Variants in GSE1 observed in about 807,000 individuals in gnomAD.
The protein encoded by GSE1 is genetic suppressor element 1.
In GSE1, 32 loss-of-function variants were observed where a neutral mutation model predicts 112.6. The ratio of observed to expected loss-of-function variants is 0.28; its 90% CI spans 0.21 to 0.38. GSE1 has a LOEUF of 0.38. Ranked by LOEUF, GSE1 falls within the 10% of genes least tolerant of loss-of-function variation. The probability of loss-of-function intolerance (pLI) is 1.00; values close to 1 mark genes in which losing one functional copy is unlikely to be tolerated. For missense variants in GSE1, 2,348 were observed against 1,699.2 expected, an observed-to-expected ratio of 1.38 and a Z score of -6.71; for synonymous variants, 1,115 against 735.6, an observed-to-expected ratio of 1.52 and a Z score of -8.35.
chr16:85,630,940 T>C (rs1427606362), intron 1 of GSE1, among the ~76,000 whole-genome samples: 2 of 152,162 alleles, frequency 1.3e-5, no homozygotes, highest in African/African-American at 2.4e-5. Context: ...TCTCCTGGGC[T>C]CATTGTGAGG....
chr16:85,655,947 C>G (rs1022859496), intron 6 of GSE1, 30 bp downstream of exon 6: 2 of 1,554,000 alleles, frequency 1.3e-6, no homozygotes, highest in African/African-American at 2.7e-5. Flanking sequence ...AGGAGCCCCT[C>G]TGCCCTCCCT....
At chr16:85,611,808 G>A (rs543635180), upstream of GSE1, among the ~76,000 whole-genome samples, 313 of 152,078 alleles carry the variant, frequency 2.1e-3, no homozygotes, top group African/African-American at 7.2e-3. Flanking sequence ...CAGATGGATG[G>A]GGGGTGGCAG....
At chr16:85,352,923 C>T (rs2046879888) in intron 1 of GSE1, among the ~76,000 whole-genome samples, 1 of 152,252 alleles carries the variant, frequency 6.6e-6, no homozygotes, top group African/African-American at 2.4e-5. Context: ...CTGACACACA[C>T]AGCTCAGCAG....
At chr16:85,510,093 G>A (rs796579062) in intron 2 of GSE1, among the ~76,000 whole-genome samples, 12 of 152,286 alleles carry the variant, frequency 7.9e-5, no homozygotes, top group African/African-American at 2.2e-4. Context: ...CCCCCATGCC[G>A]CCACCATCAG....
intron 2 of GSE1, among the ~76,000 whole-genome samples, chr16:85,374,431 A>G (rs1171201150): frequency 1.3e-5 from 2 of 150,234 alleles, no homozygotes; most frequent in African/African-American, 2.5e-5. Flanking sequence ...GTCAGTGTGC[A>G]TGTCTGTGTC....
At chr16:85,214,131 G>A (rs953598925) in intron 1 of GSE1, among the ~76,000 whole-genome samples, 2 of 152,218 alleles carry the variant, frequency 1.3e-5, no homozygotes, top group African/African-American at 4.8e-5. Context: ...CGAGTGTCGG[G>A]TTCCGAGACT....
chr16:85,242,661 G>A (rs2143942035), intron 1 of GSE1, among the ~76,000 whole-genome samples: 1 of 152,268 alleles, frequency 6.6e-6, no homozygotes, highest in African/African-American at 2.4e-5. Flanking sequence ...GGAAACAGGA[G>A]GTATACGACA....
chr16:85,170,080 G>C (rs1004043165), exon 1 of GSE1: 21 of 984,916 alleles, frequency 2.1e-5, no homozygotes, highest in Non-Finnish European at 2.5e-5. Flanking sequence ...TTCCGAGCCC[G>C]ACCCGCCCGC....
chr16:85,612,854 C>G (rs554636601), upstream of GSE1, among the ~76,000 whole-genome samples: 263 of 152,348 alleles, frequency 1.7e-3, 3 homozygotes, highest in African/African-American at 5.6e-3. Context: ...AGGCACTGTT[C>G]TAGGTTCCCG....
chr16:85,662,701 T>C, intron 9 of GSE1: 1 of 449,158 alleles, frequency 2.2e-6, no homozygotes, highest in Non-Finnish European at 4.0e-6. Context: ...TGATGAATGG[T>C]TCCCTGCCAG....
intron 2 of GSE1, among the ~76,000 whole-genome samples, chr16:85,377,565 G>A (rs527822427): frequency 1.3e-4 from 20 of 152,362 alleles, no homozygotes; most frequent in African/African-American, 4.3e-4. Context: ...TAAATGAGAT[G>A]ATGATGAGGG....
At position 85,657,693 on chromosome 16, in the gene GSE1, C is replaced by G. The variant is rs2052085287; in HGVS notation, c.1640+89C>G. On this transcript the variant is annotated intron_variant, in intron 8 of 15. Coordinates refer to ENST00000253458, the MANE Select transcript of GSE1 (RefSeq NM_014615.5). The stretch of plus-strand genomic sequence containing the variant: ...TGAGCACCTCCTGTTTGCCCAACAT[C>G]CTGCCCCAGCGTTTCTGCCTGCCTC... 1.6e-5 allele frequency: 13 copies of G among 814,090 alleles called. 1 individual carries two copies. In the South Asian group the frequency reaches 2.3e-4, roughly 14 times the overall value. 50.4% of individuals were successfully genotyped at this position (814,090 alleles called of 1,614,324 possible).
intron 2 of GSE1, among the ~76,000 whole-genome samples, chr16:85,426,164 TG>T (rs2048980868): frequency 6.9e-6 from 1 of 144,086 alleles, no homozygotes; most frequent in Non-Finnish European, 1.5e-5. Context: ...GATGGGTGGG[TG>T]GGGTGGATGG....
exon 1 of GSE1, chr16:85,169,569 G>C: frequency 1.0e-6 from 1 of 979,468 alleles, no homozygotes; most frequent in Non-Finnish European, 1.2e-6. Context: ...AGCGGCTCAT[G>C]GCAGCCGTGG....
intron 1 of GSE1, among the ~76,000 whole-genome samples, chr16:85,180,162 C>T (rs1385756562): frequency 6.6e-6 from 1 of 152,206 alleles, no homozygotes; most frequent in Non-Finnish European, 1.5e-5. Context: ...TGGCGTGGAG[C>T]CCTTGATTAA....
At chr16:85,222,997 T>G (rs951557475) in intron 1 of GSE1, among the ~76,000 whole-genome samples, 125 of 152,344 alleles carry the variant, frequency 8.2e-4, no homozygotes, top group African/African-American at 2.9e-3. Flanking sequence ...ATTTTGCAGA[T>G]AGTCTTACCG....
At chr16:85,307,632 C>T (rs962149088) in intron 1 of GSE1, among the ~76,000 whole-genome samples, 2 of 152,068 alleles carry the variant, frequency 1.3e-5, no homozygotes, top group Non-Finnish European at 2.9e-5. Flanking sequence ...CAACCAGGGA[C>T]GCTCCGCCAG....
At chr16:85,594,733 C>T (rs2047148358) in intron 1 of GSE1, 1 of 152,274 alleles carries the variant, frequency 6.6e-6, no homozygotes, top group African/African-American at 2.4e-5. Context: ...TTAGGAGGAT[C>T]AAAGGACAGA....
intron 1 of GSE1, among the ~76,000 whole-genome samples, chr16:85,314,717 C>CG (rs879747175): frequency 3.9e-5 from 6 of 152,194 alleles, no homozygotes; most frequent in Non-Finnish European, 7.3e-5. Flanking sequence ...CCGTCTCCCC[C>CG]GCAGCAGGCC....
Sources: allele counts gnomAD v4.1 joint callset (sites outside exome capture counted in the v4.1 genomes callset), GRCh38; gene constraint gnomAD v4.1.1; transcripts MANE v1.5; gene names NCBI Gene and HGNC (gene_info 2026-07-23, HGNC 2026-07-21).